LYPD1: variants seen among roughly 807,000 people sequenced by gnomAD.
LYPD1 encodes the protein LY6/PLAUR domain containing 1, also known as ly6/PLAUR domain-containing protein 1.
Under a neutral mutation model 14.2 loss-of-function variants are expected in LYPD1, and 14 were observed. That is an observed-to-expected ratio of 0.99 (90% CI 0.65 to 1.54). The LOEUF is 1.54. Ranked by LOEUF, LYPD1 falls within the 40% of genes most tolerant of loss-of-function variation. The pLI, the probability that LYPD1 is intolerant of heterozygous loss-of-function variation, is 0.00. For synonymous variants in LYPD1, 85 were observed against 70.6 expected, an observed-to-expected ratio of 1.20 and a Z score of -1.02; for missense variants, 165 against 175.7, an observed-to-expected ratio of 0.94 and a Z score of 0.34.
At position 132,645,198 on chromosome 2, in the gene LYPD1, C is replaced by T; in HGVS notation, c.*847G>A. 1 of 1,614,192 alleles carries T rather than the reference C, an allele frequency of 6.2e-7. No individual in the cohort carries two copies. Among genetic ancestry groups the T allele is most frequent in the Middle Eastern group, 1.6e-4 (1 of 6,062 alleles). ...CCAAGCACGACTGGACGAGGTCCTA[C>T]TTCCGGGCGTACATGATCCTCCTCC... On this transcript the variant is annotated 3_prime_UTR_variant, in exon 3 of 3. Coordinates refer to ENST00000397463, the MANE Select transcript of LYPD1 (RefSeq NM_144586.7).
At chr2:132,670,269 C>A, upstream of LYPD1, 19 of 362,186 alleles carry the variant, frequency 5.2e-5, no homozygotes, top group Non-Finnish European at 8.7e-5. This position sits in a 1 kb window ranked among gnomAD's most constrained non-coding sequence, Gnocchi z 4.5. Context: ...CCACTCCAGG[C>A]ATCACGTGAC....
intron 2 of LYPD1, among the ~76,000 whole-genome samples, chr2:132,660,312 T>G (rs1223143241): frequency 6.6e-6 from 1 of 152,242 alleles, no homozygotes; most frequent in Non-Finnish European, 1.5e-5. Flanking sequence ...CTCTATTCTA[T>G]TTAAACACAT....
At position 132,646,234 on chromosome 2, in the gene LYPD1, G is replaced by A. The variant is rs1229206607; in HGVS notation, c.237C>T (p.Ile79=). 7.6e-6 allele frequency: 12 copies of A among 1,586,086 alleles called. No homozygotes were observed. The highest frequency in any genetic ancestry group is 1.7e-5 in the Admixed American group (1 of 57,432). ...KSCASSAACL[I]ASAGYQSFCS... ...AGAAGGACTGGTACCCGGCAGAGGC[G>A]ATGAGACAGGCCGCTGATGATGCAC... The change falls in exon 3 of 3, where the codon ATC becomes ATT. Residue 79 remains isoleucine (I), a synonymous_variant. Transcript: ENST00000397463.
chr2:132,666,218 C>T (rs767302445), intron 2 of LYPD1, among the ~76,000 whole-genome samples: 1 of 152,184 alleles, frequency 6.6e-6, no homozygotes, highest in Non-Finnish European at 1.5e-5. Flanking sequence ...TAGGTTTGCT[C>T]TCTATCCTTA....
In LYPD1 at chr2:132,644,048, GAA is replaced by G. The variant is rs1558869236; in HGVS notation, c.*1995_*1996del. On this transcript the variant is annotated 3_prime_UTR_variant, in exon 3 of 3. Transcript: ENST00000397463. ...TACTGTGGGTGTCTTGGCTCCTTAC[GAA>G]AAGAGAGAGCAAATGCTTCACAGAT... Among the ~76,000 whole-genome samples the G allele has an allele frequency of 6.6e-6, 1 of 152,208 alleles. No homozygotes were observed. Among genetic ancestry groups the G allele is most frequent in the East Asian group, 1.9e-4 (1 of 5,196 alleles).
intron 2 of LYPD1, among the ~76,000 whole-genome samples, chr2:132,652,071 T>A (rs528919708): frequency 6.6e-6 from 1 of 152,010 alleles, no homozygotes; most frequent in Non-Finnish European, 1.5e-5. Flanking sequence ...CACTGCCGGG[T>A]TAGGGTAGGA....
At position 132,643,709 on chromosome 2, in the gene LYPD1, G is replaced by T. The variant is rs1681916528; in HGVS notation, c.*2336C>A. Among the ~76,000 whole-genome samples the T allele has an allele frequency of 6.6e-6, 1 of 152,144 alleles. No individual in the cohort carries two copies. Among genetic ancestry groups the T allele is most frequent in the African/African-American group, 2.4e-5 (1 of 41,424 alleles). ...TAAGTTTTTCTTTTTTTGTAGAGAT[G>T]GGGTCTTGCTATGTTGCCTAGGTGG... is the stretch of plus-strand genomic sequence containing the variant. On this transcript the variant is annotated 3_prime_UTR_variant, in exon 3 of 3. Transcript: ENST00000397463.
At chr2:132,667,441 T>G (rs1346526252) in intron 2 of LYPD1, among the ~76,000 whole-genome samples, 1 of 152,218 alleles carries the variant, frequency 6.6e-6, no homozygotes, top group African/African-American at 2.4e-5. Context: ...GTCCTTGCAT[T>G]GATTTGCCAG....
intron 2 of LYPD1, among the ~76,000 whole-genome samples, chr2:132,654,739 CCATT>C (rs1328275134): frequency 9.0e-6 from 1 of 111,296 alleles, no homozygotes; most frequent in Non-Finnish European, 2.0e-5. Context: ...GGCCTCTTTC[CCATT>C]TATTTATTTA....
chr2:132,669,676 G>GCCGCT lies in LYPD1; in HGVS notation c.52+200_52+204dup, dbSNP rs1683524458. Among the ~76,000 whole-genome samples, 1 of 152,042 alleles carries GCCGCT rather than the reference G, an allele frequency of 6.6e-6. No individual in the cohort carries two copies. On this transcript the variant is annotated intron_variant, in intron 1 of 2. Transcript: ENST00000397463. The surrounding 1 kb of genome is among the most constrained non-coding windows in gnomAD (Gnocchi z 4.3). ...CTGCAGCCCGGAGTCCCGCAAACCCGCCGCTCCCCGCTCTCCTCCTGCAGC... is the reference window on the plus strand; with the variant it reads ...CTGCAGCCCGGAGTCCCGCAAACCCGCCGCTCCGCTCCCCGCTCTCCTCCTGCAGC...
At chr2:132,653,079 A>G (rs1682417716) in intron 2 of LYPD1, among the ~76,000 whole-genome samples, 2 of 152,182 alleles carry the variant, frequency 1.3e-5, no homozygotes, top group African/African-American at 4.8e-5. Flanking sequence ...TAATGGCCTT[A>G]TCATTAAGTA....
chr2:132,660,399 C>T (rs1010322990), intron 2 of LYPD1: 1 of 152,206 alleles, frequency 6.6e-6, no homozygotes, highest in Non-Finnish European at 1.5e-5. Context: ...CCATCTCCTG[C>T]TTTGCTTTGT....
intron 2 of LYPD1, 29 bp from the exon 3 acceptor site, chr2:132,646,309 T>G (rs1682073959): frequency 7.2e-7 from 1 of 1,394,256 alleles, no homozygotes; most frequent in Admixed American, 2.8e-5. Context: ...GGAGCTGAGT[T>G]AACGTGCACC....
intron 1 of LYPD1, among the ~76,000 whole-genome samples, 165 bp from the exon 2 acceptor site, chr2:132,668,702 C>G (rs911361087): frequency 6.6e-6 from 1 of 152,068 alleles, no homozygotes; most frequent in Non-Finnish European, 1.5e-5. Context: ...CGGCAGGGGG[C>G]GGCGCGGGTA....
chr2:132,656,786 G>C (rs1294707072), intron 2 of LYPD1, among the ~76,000 whole-genome samples: 1 of 152,166 alleles, frequency 6.6e-6, no homozygotes, highest in Non-Finnish European at 1.5e-5. Context: ...TTGAGTTGCA[G>C]ATGGCCACAG....
At chr2:132,657,785 TGAC>T (rs1445684731) in intron 2 of LYPD1, among the ~76,000 whole-genome samples, 10 of 152,210 alleles carry the variant, frequency 6.6e-5, no homozygotes, top group African/African-American at 2.4e-4. Context: ...GAAGGTCCTT[TGAC>T]TATACATTTC....
chr2:132,660,150 G>A lies in LYPD1; in HGVS notation c.190+8250C>T, dbSNP rs189254539. The stretch of plus-strand genomic sequence containing the variant: ...TCCAAGAAATAGAAAAACATAAAAA[G>A]CTATTGTCCATGTCCAGTGAGAAAT... On this transcript the variant is annotated intron_variant, in intron 2 of 2. Transcript: ENST00000397463. Among the ~76,000 whole-genome samples the A allele has an allele frequency of 1.4e-3, 212 of 152,286 alleles. 1 individual carries two copies. The highest frequency in any genetic ancestry group is 5.0e-3 in the African/African-American group (207 of 41,564).
At chr2:132,663,336 T>C (rs1487278796) in intron 2 of LYPD1, among the ~76,000 whole-genome samples, 1 of 152,104 alleles carries the variant, frequency 6.6e-6, no homozygotes, top group Admixed American at 6.5e-5. Context: ...TGCAGTGGAG[T>C]AATCTCAGCT....
intron 2 of LYPD1, among the ~76,000 whole-genome samples, chr2:132,656,949 C>A (rs1287486262): frequency 6.6e-6 from 1 of 152,132 alleles, no homozygotes; most frequent in Non-Finnish European, 1.5e-5. Flanking sequence ...CTGCAATGAT[C>A]CCTAAGGGTA....
Sources: gnomAD v4.1 joint callset for allele counts (sites outside exome capture counted in the v4.1 genomes callset) on GRCh38, gnomAD v4.1.1 for gene constraint, Gnocchi (gnomAD v3.1) non-coding constraint, MANE v1.5 for transcripts, NCBI Gene and HGNC (gene_info 2026-07-23, HGNC 2026-07-21) for gene names.